Variants in SIX5 observed in about 807,000 individuals in gnomAD.
SIX5 encodes the protein SIX homeobox 5.
In SIX5, 21 loss-of-function variants were observed where a neutral mutation model predicts 37.1. That is an observed-to-expected ratio of 0.57 (90% CI 0.40 to 0.81). The LOEUF is 0.81. Ranked by LOEUF, SIX5 falls within the 40% of genes least tolerant of loss-of-function variation. SIX5 has a pLI of 0.00. For missense variants in SIX5, 1,137 were observed against 1,025.1 expected, an observed-to-expected ratio of 1.11 and a Z score of -1.49; for synonymous variants, 626 against 505.9, an observed-to-expected ratio of 1.24 and a Z score of -3.19.
In SIX5 at chr19:45,768,200, C is replaced by G. The variant is rs1292459282; in HGVS notation, c.645G>C (p.Ala215=). 1 of 1,613,164 alleles carries G rather than the reference C, an allele frequency of 6.2e-7. No homozygotes were observed. The highest frequency in any genetic ancestry group is 1.1e-5 in the South Asian group (1 of 91,024). The change falls in exon 1 of 3, where the codon GCG becomes GCC. Residue 215 remains alanine (A), a synonymous_variant. Transcript: ENST00000317578. ...GGTTGCCGCGGTAGCAGGCCTTGAGCGCTGCGCGGGAGCGCTCCTTGAAGC... is the reference window on the plus strand; with the variant it reads ...GGTTGCCGCGGTAGCAGGCCTTGAGGGCTGCGCGGGAGCGCTCCTTGAAGC... ...VYCFKERSRA[A]LKACYRGNRY...
chr19:45,768,261 G>A lies in SIX5; in HGVS notation c.584C>T (p.Pro195Leu), dbSNP rs779777813. The change falls in exon 1 of 3, where the codon CCC becomes CTC. Residue 195 changes from proline (P) to leucine (L), a missense_variant. Transcript: ENST00000317578. ...KYRLRKKFPL[P>L]KTIWDGEETV... Reference sequence around the variant, plus strand: ...CTCCTCGCCGTCCCAGATGGTCTTGGGCAGCGGGAACTTCTTGCGCAGTCG... The same window carrying A: ...CTCCTCGCCGTCCCAGATGGTCTTGAGCAGCGGGAACTTCTTGCGCAGTCG... The A allele has an allele frequency of 6.2e-7, 1 of 1,612,962 alleles. No homozygotes were observed. The highest frequency in any genetic ancestry group is 1.1e-5 in the South Asian group (1 of 90,974).
rs1969051324 is a variant in SIX5, at chr19:45,765,571, C to T, written c.2150G>A (p.Gly717Glu). Residue 717 changes from glycine to glutamate, a missense_variant, in exon 3 of 3, where the codon GGG (glycine) becomes GAG (glutamate). Coordinates refer to ENST00000317578, the MANE Select transcript of SIX5 (RefSeq NM_175875.5). ...GATAGGEVDE[G>E]LEAEAKVLTQ... ...CAGAACCTTGGCCTCAGCTTCCAAC[C>T]CCTCGTCAACCTCACCCCCTGCGGT... 2.5e-6 allele frequency: 4 copies of T among 1,613,292 alleles called. No individual in the cohort carries two copies. The highest frequency in any genetic ancestry group is 2.2e-5 in the East Asian group (1 of 44,894).
rs772182553 is a variant in SIX5, at chr19:45,768,695, G to GGCCGCC, written c.144_149dup (p.Ala49_Ala50dup). 2.5e-6 allele frequency: 3 copies of GGCCGCC among 1,212,352 alleles called. No homozygotes were observed. Among genetic ancestry groups the GGCCGCC allele is most frequent in the East Asian group, 5.0e-5 (1 of 19,964 alleles). The allele number at this position is 1,212,352 out of a possible 1,614,324, so 75.1% of individuals were successfully genotyped here. A position where few individuals can be genotyped will look rare whatever the true frequency, so the allele number is the denominator to read the frequency against. On this transcript the variant is annotated inframe_insertion, in exon 1 of 3. Coordinates refer to ENST00000317578, the MANE Select transcript of SIX5 (RefSeq NM_175875.5). ...CAGCCGCTGCGCCCGCCCCGGCCCCGGCCGCCGCCGCCGCCTCACCCTCGG... is the reference window on the plus strand; with the variant it reads ...CAGCCGCTGCGCCCGCCCCGGCCCCGGCCGCCGCCGCCGCCGCCGCCTCACCCTCGG...
rs761336591 is a variant in SIX5, at chr19:45,767,025, G to C, written c.934C>G (p.Pro312Ala). 5 of 1,609,052 alleles carry C rather than the reference G, an allele frequency of 3.1e-6. No homozygotes were observed. Among genetic ancestry groups the C allele is most frequent in the Non-Finnish European group, 4.2e-6 (5 of 1,179,040 alleles). Residue 312 changes from proline to alanine, a missense_variant, in exon 2 of 3, where the codon CCC becomes GCC. Physicochemically the swap from Pro to Ala is conservative, Grantham distance 27 (BLOSUM62 -1). This residue lies in a region of SIX5 where 787 missense variants were observed against 621.4 expected (regional missense o/e 1.27). Transcript: ENST00000317578. Reference sequence around the variant, plus strand: ...GAGGAGGAAGCCGGGCAAGGCGCGGGAGGGCCGGTCCCTGCCAGGAATATG... The same window carrying C: ...GAGGAGGAAGCCGGGCAAGGCGCGGCAGGGCCGGTCCCTGCCAGGAATATG... ...GSIFLAGTGP[P>A]APCPASSSIL...
rs1217049831 is a variant in SIX5, at chr19:45,768,936, C to A, written c.-92G>T. 1 of 1,233,136 alleles carries A rather than the reference C, an allele frequency of 8.1e-7. No individual in the cohort carries two copies. Among genetic ancestry groups the A allele is most frequent in the Non-Finnish European group, 1.1e-6 (1 of 889,144 alleles). 76.4% of individuals were successfully genotyped at this position (1,233,136 alleles called of 1,614,324 possible). A position where few individuals can be genotyped will look rare whatever the true frequency, so the allele number is the denominator to read the frequency against. ...CCCACCTGTCCCCCCTTTTCGCCCC[C>A]ACTCCCCGCTCTTCTCGATCTTCTT... On this transcript the variant is annotated 5_prime_UTR_variant, in exon 1 of 3. Transcript: ENST00000317578.
In SIX5 at chr19:45,765,142, G is replaced by A. The variant is rs985665247; in HGVS notation, c.*359C>T. On this transcript the variant is annotated 3_prime_UTR_variant, in exon 3 of 3. Transcript: ENST00000317578. Reference sequence around the variant, plus strand: ...TTAATAGTGTTTCAGGGAGTGACAGGGAGAGGGCTCTGGGGGCTGGAAGTC... The same window carrying A: ...TTAATAGTGTTTCAGGGAGTGACAGAGAGAGGGCTCTGGGGGCTGGAAGTC... The A allele has an allele frequency of 2.5e-5, 10 of 400,546 alleles. No homozygotes were observed. The highest frequency in any genetic ancestry group is 4.7e-5 in the Non-Finnish European group (10 of 212,098). The allele number at this position is 400,546 out of a possible 1,614,324, so 24.8% of individuals were successfully genotyped here.
chr19:45,765,615 C>G lies in SIX5; in HGVS notation c.2106G>C (p.Glu702Asp), dbSNP rs775189428. 1 of 1,612,716 alleles carries G rather than the reference C, an allele frequency of 6.2e-7. No homozygotes were observed. The highest frequency in any genetic ancestry group is 8.5e-7 in the Non-Finnish European group (1 of 1,179,542). ...CTGCGGTGGCCCCCAGGAGCAGCCC[C>G]TCAGGGTCGGGGTCTGGCAGCCTCA... is the stretch of plus-strand genomic sequence containing the variant. ...TVLRLPDPDP[E>D]GLLLGATAGG... is the part of the protein sequence containing the mutation. The change falls in exon 3 of 3, where the codon GAG becomes GAC. Residue 702 changes from glutamate (E) to aspartate (D), a missense_variant. By Grantham distance (45) the Glu-to-Asp change is conservative. Coordinates refer to ENST00000317578, the MANE Select transcript of SIX5 (RefSeq NM_175875.5).
At position 45,766,941 on chromosome 19, in the gene SIX5, C is replaced by G. The variant is rs768789921; in HGVS notation, c.1018G>C (p.Gly340Arg). Reference protein sequence around the residue: ...ASGSPAVLLNGGPVIINGLAL... With the variant: ...ASGSPAVLLNRGPVIINGLAL... ...AGGCCGTTGATGATGACGGGGCCCC[C>G]GTTGAGGAGCACTGCTGGGGAGCCG... Residue 340 changes from glycine to arginine, a missense_variant, in exon 2 of 3, where the codon GGG (glycine) becomes CGG (arginine). Transcript: ENST00000317578. The G allele has an allele frequency of 6.2e-5, 98 of 1,573,836 alleles. No individual in the cohort carries two copies. The highest frequency in any genetic ancestry group is 8.3e-5 in the Non-Finnish European group (96 of 1,162,386).
rs753668518 is a variant in SIX5, at chr19:45,768,308, C to A, written c.537G>T (p.Ala179=). Residue 179 remains alanine (A), a synonymous_variant, in exon 1 of 3, where the codon GCG becomes GCT. Coordinates refer to ENST00000317578, the MANE Select transcript of SIX5 (RefSeq NM_175875.5). ...GTCGATACTTGTCCACTGCGCCAAG[C>A]GCGCGGCCGCGGGCCCGCTCGGCCT... ...YHEAERARGR[A]LGAVDKYRLR... 4.3e-6 allele frequency: 7 copies of A among 1,609,606 alleles called. No individual in the cohort carries two copies. Among genetic ancestry groups the A allele is most frequent in the South Asian group, 1.1e-5 (1 of 90,556 alleles).
rs1253345529 is a variant in SIX5 at position 45,767,096 on chromosome 19, T to A, written c.863A>T (p.Glu288Val). The change falls in exon 2 of 3, where the codon GAG becomes GTG. Residue 288 changes from glutamate (E) to valine (V), a missense_variant. Glu to Val is a moderately radical substitution (Grantham distance 121, BLOSUM62 -2). This residue lies in a region of SIX5 where 787 missense variants were observed against 621.4 expected (regional missense o/e 1.27). Coordinates refer to ENST00000317578, the MANE Select transcript of SIX5 (RefSeq NM_175875.5). ...GGCGGACACTGGGGCCGCCCCTCTC[T>A]CCAGGTCCTCAGGACTTCGGCTGGA... ...DESSRSPEDL[E>V]RGAAPVSAEA... 8 of 1,612,008 alleles carry A rather than the reference T, an allele frequency of 5.0e-6. No individual in the cohort carries two copies. Among genetic ancestry groups the A allele is most frequent in the Non-Finnish European group, 8.5e-7 (1 of 1,179,620 alleles).
rs770482838 is a variant in SIX5 at position 45,768,033 on chromosome 19, G to A, written c.803+9C>T. Reference sequence around the variant, plus strand: ...GAGAGCTGGACTTGCGCCGCCCGAGGCCCCTCACCTCTTGCAGGGCGCGCC... The same window carrying A: ...GAGAGCTGGACTTGCGCCGCCCGAGACCCCTCACCTCTTGCAGGGCGCGCC... On this transcript the variant is annotated intron_variant, in intron 1 of 2. Transcript: ENST00000317578. 4 of 1,593,168 alleles carry A rather than the reference G, an allele frequency of 2.5e-6. No individual in the cohort carries two copies. Among genetic ancestry groups the A allele is most frequent in the Non-Finnish European group, 3.4e-6 (4 of 1,177,506 alleles).
Position 45,768,297 on chromosome 19 carries a change from A to T in SIX5, c.548T>A (p.Val183Glu). 6.2e-7 allele frequency: 1 copy of T among 1,611,474 alleles called. No individual in the cohort carries two copies. The highest frequency in any genetic ancestry group is 1.3e-5 in the African/African-American group (1 of 75,010). The change falls in exon 1 of 3, where the codon GTG becomes GAG. Residue 183 changes from valine (V) to glutamate (E), a missense_variant. Coordinates refer to ENST00000317578, the MANE Select transcript of SIX5 (RefSeq NM_175875.5). Reference protein sequence around the residue: ...ERARGRALGAVDKYRLRKKFP... With the variant: ...ERARGRALGAEDKYRLRKKFP... Reference sequence around the variant, plus strand: ...CTTCTTGCGCAGTCGATACTTGTCCACTGCGCCAAGCGCGCGGCCGCGGGC... The same window carrying T: ...CTTCTTGCGCAGTCGATACTTGTCCTCTGCGCCAAGCGCGCGGCCGCGGGC...
In SIX5 at chr19:45,768,854, C is replaced by T. The variant is rs1248302238; in HGVS notation, c.-10G>A. On this transcript the variant is annotated 5_prime_UTR_variant, in exon 1 of 3. Coordinates refer to ENST00000317578, the MANE Select transcript of SIX5 (RefSeq NM_175875.5). Reference sequence around the variant, plus strand: ...CAGGCAAGGTAGCCATGTTTTGCAACTTTGGGAAGTTCCTCCCTCCCTCTC... The same window carrying T: ...CAGGCAAGGTAGCCATGTTTTGCAATTTTGGGAAGTTCCTCCCTCCCTCTC... The T allele has an allele frequency of 5.2e-6, 8 of 1,529,238 alleles. No homozygotes were observed. Among genetic ancestry groups the T allele is most frequent in the South Asian group, 4.8e-5 (4 of 83,360 alleles). 94.7% of individuals were successfully genotyped at this position (1,529,238 alleles called of 1,614,324 possible). A position where few individuals can be genotyped will look rare whatever the true frequency, so the allele number is the denominator to read the frequency against.
rs1969166683 is a variant in SIX5 at position 45,769,036 on chromosome 19, G to A, written c.-192C>T. 5.4e-6 allele frequency: 3 copies of A among 553,314 alleles called. No individual in the cohort carries two copies. Among genetic ancestry groups the A allele is most frequent in the Non-Finnish European group, 9.6e-6 (3 of 312,774 alleles). The allele number at this position is 553,314 out of a possible 1,614,324, so 34.3% of individuals were successfully genotyped here. A position where few individuals can be genotyped will look rare whatever the true frequency, so the allele number is the denominator to read the frequency against. On this transcript the variant is annotated 5_prime_UTR_variant, in exon 1 of 3. Coordinates refer to ENST00000317578, the MANE Select transcript of SIX5 (RefSeq NM_175875.5). Reference sequence around the variant, plus strand: ...CTCGGGTCTCTGTCCCCTTGTGTGTGTCCGTCCCCCTCCCGTCTGTCTGTG... The same window carrying A: ...CTCGGGTCTCTGTCCCCTTGTGTGTATCCGTCCCCCTCCCGTCTGTCTGTG...
In SIX5 at chr19:45,767,868, C is replaced by T. The variant is rs1217811180; in HGVS notation, c.803+174G>A. 4.5e-6 allele frequency: 3 copies of T among 660,184 alleles called. No individual in the cohort carries two copies. The Admixed American group carries it at 8.9e-5, about 20-fold the overall frequency. The allele number at this position is 660,184 out of a possible 1,614,324, so 40.9% of individuals were successfully genotyped here. A position where few individuals can be genotyped will look rare whatever the true frequency, so the allele number is the denominator to read the frequency against. On this transcript the variant is annotated intron_variant, in intron 1 of 2. Transcript: ENST00000317578. ...GCGGGGAGAGGGCCCGGGCGGGTGC[C>T]TGTCCCGTCCACACTTAGTCCCCGC...
chr19:45,767,875 G>T, intron 1 of SIX5, 167 bp downstream of exon 1: 1 of 702,234 alleles, frequency 1.4e-6, no homozygotes, highest in Non-Finnish European at 2.3e-6. Flanking sequence ...TGCCTGTCCC[G>T]TCCACACTTA....
At chr19:45,767,621 C>G (rs1482234949) in intron 1 of SIX5, among the ~76,000 whole-genome samples, 1 of 152,114 alleles carries the variant, frequency 6.6e-6, no homozygotes, top group Non-Finnish European at 1.5e-5. Flanking sequence ...AGGCAGAAGA[C>G]GGACCACGCC....
At position 45,766,429 on chromosome 19, in the gene SIX5, T is replaced by G; in HGVS notation, c.1530A>C (p.Ala510=). Residue 510 remains alanine (A), a synonymous_variant, in exon 2 of 3, where the codon GCA becomes GCC. Coordinates refer to ENST00000317578, the MANE Select transcript of SIX5 (RefSeq NM_175875.5). The part of the protein sequence containing the change: ...GPGSPVKVAA[A]AGPANVHLIN... The stretch of plus-strand genomic sequence containing the variant: ...TGAGGTGCACATTGGCAGGGCCTGC[T>G]GCAGCTGCCACCTTCACAGGGCTGC... 6.4e-7 allele frequency: 1 copy of G among 1,566,594 alleles called. No homozygotes were observed. Among genetic ancestry groups the G allele is most frequent in the Non-Finnish European group, 8.6e-7 (1 of 1,156,690 alleles).
chr19:45,767,000 G>A lies in SIX5; in HGVS notation c.959C>T (p.Ser320Phe). 1.2e-6 allele frequency: 2 copies of A among 1,606,348 alleles called. No individual in the cohort carries two copies. Among genetic ancestry groups the A allele is most frequent in the Non-Finnish European group, 1.7e-6 (2 of 1,177,992 alleles). ...CAGGAAGCTCCCGTTCACCAGGATG[G>A]AGGAGGAAGCCGGGCAAGGCGCGGG... ...GPPAPCPASS[S>F]ILVNGSFLAA... Residue 320 changes from serine (S) to phenylalanine (F), a missense_variant, in exon 2 of 3, where the codon TCC becomes TTC. Transcript: ENST00000317578.
Sources: allele counts gnomAD v4.1 joint callset (sites outside exome capture counted in the v4.1 genomes callset), GRCh38; gene constraint gnomAD v4.1.1; regional missense constraint gnomAD v4.1.1; transcripts MANE v1.5; gene names NCBI Gene and HGNC (gene_info 2026-07-23, HGNC 2026-07-21).